GPHN: variants seen among roughly 807,000 people sequenced by gnomAD.
The protein encoded by GPHN is gephyrin.
GPHN carries 17 observed loss-of-function variants against 95.5 expected under a neutral mutation model. That is an observed-to-expected ratio of 0.18 (90% CI 0.12 to 0.27). The LOEUF (loss-of-function observed/expected upper bound fraction) is 0.27. Among genes scored for constraint, GPHN ranks in the 10% least tolerant of loss-of-function variants. GPHN has a pLI of 1.00. For missense variants in GPHN, 660 were observed against 978.1 expected (o/e 0.67, Z 4.34); for synonymous variants, 320 against 322.5 (o/e 0.99, Z 0.08).
the GPHN span, among the ~76,000 whole-genome samples, chr14:67,639,786 G>A: frequency 3.5e-4 from 53 of 152,194 alleles, no homozygotes; most frequent in African/African-American, 1.1e-3. Context: ...TTCACCAGAC[G>A]TGGTGGCGCA....
intron 3 of GPHN, among the ~76,000 whole-genome samples, chr14:66,778,419 C>G (rs2059469070): frequency 6.6e-6 from 1 of 152,116 alleles, no homozygotes; most frequent in African/African-American, 2.4e-5. Flanking sequence ...AATTGACTTA[C>G]TCTTTAAAAA....
the GPHN span, among the ~76,000 whole-genome samples, chr14:67,605,157 G>A: frequency 6.6e-6 from 1 of 152,128 alleles, no homozygotes; most frequent in Non-Finnish European, 1.5e-5. Context: ...CAATCTAAGG[G>A]AGAATTGACA....
the GPHN span, among the ~76,000 whole-genome samples, chr14:67,349,562 C>A: frequency 6.6e-6 from 1 of 152,090 alleles, no homozygotes; most frequent in Non-Finnish European, 1.5e-5. Context: ...TGGCAGGGTG[C>A]GATAGCTCAC....
At chr14:67,579,396 C>G in the GPHN span, 1 of 1,112,682 alleles carries the variant, frequency 9.0e-7, no homozygotes, top group Non-Finnish European at 1.2e-6. Context: ...TCAGGCTTGG[C>G]AGATTGTTCA....
At chr14:67,125,124 T>TA (rs573075159) in intron 17 of GPHN, among the ~76,000 whole-genome samples, 21 of 149,098 alleles carry the variant, frequency 1.4e-4, no homozygotes, top group South Asian at 4.2e-4. Context: ...GAGAACAATT[T>TA]AAAAAAAAAA....
chr14:66,692,000 A>G (rs1006626681), intron 2 of GPHN, among the ~76,000 whole-genome samples: 3 of 152,234 alleles, frequency 2.0e-5, no homozygotes, highest in Non-Finnish European at 2.9e-5. Context: ...GGATTTGTCC[A>G]TAAAACTCCT....
At chr14:66,946,721 G>A (rs1477188092) in intron 8 of GPHN, among the ~76,000 whole-genome samples, 1 of 152,120 alleles carries the variant, frequency 6.6e-6, no homozygotes, top group Non-Finnish European at 1.5e-5. Context: ...ATATTCTTAA[G>A]TGAACCAGTT....
rs149515608 is a variant in GPHN, at chr14:66,906,661, A to T, written c.390-9342A>T. ...TTTGGTTTCCTGTTGAGAGGAGTGAAGTCAGCCTGCTCGTACATTGCCATT... is the reference window on the plus strand; with the variant it reads ...TTTGGTTTCCTGTTGAGAGGAGTGATGTCAGCCTGCTCGTACATTGCCATT... On this transcript the variant is annotated intron_variant, in intron 5 of 22. Transcript: ENST00000478722. Among the ~76,000 whole-genome samples, 513 of 152,234 alleles carry T rather than the reference A, an allele frequency of 3.4e-3. 2 individuals carry two copies. Among genetic ancestry groups the T allele is most frequent in the African/African-American group, 0.012 (487 of 41,566 alleles).
At chr14:67,585,666 T>G in the GPHN span, 1 of 1,523,770 alleles carries the variant, frequency 6.6e-7, no homozygotes, top group African/African-American at 1.4e-5. Context: ...TATGAAAGGA[T>G]GCAGGCTGCT....
intron 3 of GPHN, among the ~76,000 whole-genome samples, chr14:66,791,998 A>G (rs2059986618): frequency 6.6e-6 from 1 of 152,288 alleles, no homozygotes; most frequent in South Asian, 2.1e-4. Flanking sequence ...TGTGCAGGGG[A>G]ACTCCCATTT....
chr14:67,314,576 T>C, the GPHN span, among the ~76,000 whole-genome samples: 2 of 152,232 alleles, frequency 1.3e-5, no homozygotes, highest in African/African-American at 4.8e-5. Context: ...TGGGTAGCCA[T>C]TGTGGTTCTG....
rs751659396 is a variant in GPHN, at chr14:67,111,937, A to G, written c.1472+18A>G. The G allele has an allele frequency of 2.8e-5, 45 of 1,578,980 alleles. No homozygotes were observed. Among genetic ancestry groups the G allele is most frequent in the Non-Finnish European group, 3.7e-5 (43 of 1,148,116 alleles). On this transcript the variant is annotated intron_variant, in intron 15 of 22. Transcript: ENST00000478722. ...GATATCAGGTAACTTCAAAACACATAGAATATATAGCCTACTTTTGTTTCT... is the reference window on the plus strand; with the variant it reads ...GATATCAGGTAACTTCAAAACACATGGAATATATAGCCTACTTTTGTTTCT...
chr14:66,655,670 T>G (rs532172851), intron 1 of GPHN, among the ~76,000 whole-genome samples: 33 of 152,194 alleles, frequency 2.2e-4, no homozygotes, highest in South Asian at 8.3e-4. Context: ...TCTTTTTTTT[T>G]TTGTTCCTGG....
intron 1 of GPHN, among the ~76,000 whole-genome samples, chr14:66,631,624 C>T (rs1662779493): frequency 1.3e-5 from 2 of 152,124 alleles, no homozygotes; most frequent in Middle Eastern, 6.8e-3. Context: ...GACAGTATTG[C>T]CATAGTGAAG....
the GPHN span, among the ~76,000 whole-genome samples, chr14:67,285,995 G>A: frequency 2.0e-5 from 3 of 152,046 alleles, no homozygotes; most frequent in Admixed American, 6.5e-5. Context: ...TAAATGTTGC[G>A]TGAAATATTA....
the GPHN span, among the ~76,000 whole-genome samples, chr14:67,524,685 T>C: frequency 6.6e-5 from 10 of 152,224 alleles, no homozygotes; most frequent in African/African-American, 2.4e-4. Context: ...CAGACTTGTG[T>C]CTGCTCCTTC....
intron 2 of GPHN, among the ~76,000 whole-genome samples, chr14:66,747,036 T>A (rs1883158806): frequency 6.6e-6 from 1 of 152,106 alleles, no homozygotes; most frequent in South Asian, 2.1e-4. Flanking sequence ...GTTCAGAAAA[T>A]TTCTCCTGGA....
the GPHN span, among the ~76,000 whole-genome samples, chr14:67,255,172 T>A: frequency 6.6e-6 from 1 of 151,772 alleles, no homozygotes; most frequent in Non-Finnish European, 1.5e-5. Flanking sequence ...AGTTCGAATC[T>A]CTTATAATGC....
chr14:66,740,534 C>T (rs2072712273), intron 2 of GPHN, among the ~76,000 whole-genome samples: 1 of 148,556 alleles, frequency 6.7e-6, no homozygotes, highest in Admixed American at 6.7e-5. Flanking sequence ...TTAAACTGAA[C>T]ATTTAGTACT....
Sources: gnomAD v4.1 joint callset for allele counts (sites outside exome capture counted in the v4.1 genomes callset) on GRCh38, gnomAD v4.1.1 for gene constraint, MANE v1.5 for transcripts, NCBI Gene and HGNC (gene_info 2026-07-23, HGNC 2026-07-21) for gene names.